BFSP1: variants seen among roughly 807,000 people sequenced by gnomAD.
BFSP1 encodes filensin.
In BFSP1, 38 loss-of-function variants were observed where a neutral mutation model predicts 43.9. The observed-to-expected ratio is 0.87, with a 90% CI of 0.67 to 1.14. The LOEUF (loss-of-function observed/expected upper bound fraction) is 1.14. Ranked by LOEUF, BFSP1 falls within the 50% of genes most tolerant of loss-of-function variation. BFSP1 has a pLI of 0.00. For synonymous variants in BFSP1, 352 were observed against 354.8 expected (o/e 0.99, Z 0.09); for missense variants, 850 against 875.1 (o/e 0.97, Z 0.36).
chr20:17,512,165 T>A, intron 3 of BFSP1, 97 bp from the exon 4 acceptor site: 1 of 923,354 alleles, frequency 1.1e-6, no homozygotes, highest in Non-Finnish European at 1.7e-6. Flanking sequence ...TTCCGCACGC[T>A]CCCTCATCAC....
At chr20:17,552,244 G>A (rs2034906765) in intron 1 of BFSP1, among the ~76,000 whole-genome samples, 1 of 152,148 alleles carries the variant, frequency 6.6e-6, no homozygotes, top group South Asian at 2.1e-4. Flanking sequence ...GAAGTGATGG[G>A]AAAGCCATTT....
chr20:17,562,888 G>A (rs892684460), upstream of BFSP1: 7 of 152,220 alleles, frequency 4.6e-5, no homozygotes, highest in African/African-American at 1.7e-4. Context: ...AGTAAGGAAT[G>A]TTCAGAATGT....
At chr20:17,519,854 C>T (rs1338861345) in intron 2 of BFSP1, among the ~76,000 whole-genome samples, 1 of 152,196 alleles carries the variant, frequency 6.6e-6, no homozygotes, top group Non-Finnish European at 1.5e-5. Context: ...GCTGCTGATA[C>T]GCTGAGGAAA....
chr20:17,518,986 G>C (rs753732717), intron 2 of BFSP1, among the ~76,000 whole-genome samples: 10 of 152,142 alleles, frequency 6.6e-5, no homozygotes, highest in Admixed American at 1.3e-4. Context: ...TCTCAGCCCC[G>C]GGGATGGGAC....
At chr20:17,502,424 G>A (rs1042670852) in intron 5 of BFSP1, among the ~76,000 whole-genome samples, 1 of 152,212 alleles carries the variant, frequency 6.6e-6, no homozygotes, top group Non-Finnish European at 1.5e-5. Flanking sequence ...AAGCATCACG[G>A]TCATGGAAGA....
At chr20:17,530,523 G>C (rs2034510932) in intron 1 of BFSP1, among the ~76,000 whole-genome samples, 1 of 152,234 alleles carries the variant, frequency 6.6e-6, no homozygotes, top group Non-Finnish European at 1.5e-5. Context: ...TCAATCTATG[G>C]TGATAGAAAT....
chr20:17,512,166 C>G, intron 3 of BFSP1, 98 bp from the exon 4 acceptor site: 2 of 910,332 alleles, frequency 2.2e-6, no homozygotes, highest in South Asian at 3.1e-5. Context: ...TCCGCACGCT[C>G]CCTCATCACA....
At chr20:17,526,138 TGGC>T (rs1288510432) in intron 1 of BFSP1, among the ~76,000 whole-genome samples, 2 of 568 alleles carry the variant, frequency 3.5e-3, no homozygotes, top group Non-Finnish European at 7.2e-3. Context: ...TTTTTCTGTA[TGGC>T]GGGGGGGGGG....
chr20:17,508,863 T>C (rs772128434), intron 5 of BFSP1, 26 bp downstream of exon 5: 23 of 1,525,678 alleles, frequency 1.5e-5, no homozygotes, highest in Middle Eastern at 1.8e-4. Flanking sequence ...GAAGCCCCAA[T>C]GCACACGCGG....
intron 1 of BFSP1, 107 bp downstream of exon 1, chr20:17,530,846 G>T (rs1600667131): frequency 2.5e-6 from 3 of 1,219,940 alleles, no homozygotes; most frequent in East Asian, 6.4e-5. Flanking sequence ...ATCGACAGGG[G>T]ACCAGAGACG....
chr20:17,552,897 T>C (rs974701291), intron 1 of BFSP1, among the ~76,000 whole-genome samples: 1 of 152,316 alleles, frequency 6.6e-6, no homozygotes, highest in Admixed American at 6.5e-5. Flanking sequence ...CAGTTGCATC[T>C]ACAAGTCAGA....
intron 5 of BFSP1, among the ~76,000 whole-genome samples, chr20:17,502,975 G>A (rs1423616362): frequency 2.0e-5 from 3 of 152,168 alleles, no homozygotes; most frequent in Non-Finnish European, 2.9e-5. Context: ...ACATAGAGGG[G>A]CCATGTGTTG....
In BFSP1 at chr20:17,507,769, C is replaced by T. The variant is rs1473046572; in HGVS notation, c.735+1120G>A. On this transcript the variant is annotated intron_variant, in intron 5 of 7. Coordinates refer to ENST00000377873, the MANE Select transcript of BFSP1 (RefSeq NM_001195.5). This position sits in a 1 kb window ranked among gnomAD's most constrained non-coding sequence, Gnocchi z 4.4. ...ATGGTCCCTGAGCCAGGGTTTGTCT[C>T]ACAAGAAGGAGGAGTTTTAAGTGCC... is the stretch of plus-strand genomic sequence containing the variant. Among the ~76,000 whole-genome samples, 6 of 152,174 alleles carry T rather than the reference C, an allele frequency of 3.9e-5. No homozygotes were observed. The highest frequency in any genetic ancestry group is 2.6e-4 in the Admixed American group (4 of 15,276).
At chr20:17,498,313 T>A (rs1285180697) in intron 6 of BFSP1, among the ~76,000 whole-genome samples, 1 of 152,198 alleles carries the variant, frequency 6.6e-6, no homozygotes, top group Non-Finnish European at 1.5e-5. Context: ...AGCTCCATTA[T>A]GGAGAAGACC....
upstream of BFSP1, among the ~76,000 whole-genome samples, chr20:17,533,104 C>T (rs898504484): frequency 1.2e-4 from 18 of 152,156 alleles, no homozygotes; most frequent in African/African-American, 4.3e-4. Flanking sequence ...TAATCCAGAA[C>T]TTTGGGAGGC....
upstream of BFSP1, chr20:17,560,309 C>A (rs770380211): frequency 1.3e-5 from 2 of 152,222 alleles, no homozygotes; most frequent in East Asian, 3.8e-4. Context: ...CTTCCATATT[C>A]ATATTTGCCA....
rs55674499 is a variant in BFSP1, at chr20:17,526,141, CGGGGGGGGGG to C, written c.378-1243_378-1234del. Among the ~76,000 whole-genome samples the C allele has an allele frequency of 2.0e-3, 38 of 18,866 alleles. 8 individuals carry two copies. The South Asian group carries it at 0.056, about 28-fold the overall frequency. 12.4% of individuals were successfully genotyped at this position (18,866 alleles called of 152,430 possible). A position where few individuals can be genotyped will look rare whatever the true frequency, so the allele number is the denominator to read the frequency against. ...ACTTTTTCTGTTTTTTTCTGTATGG[CGGGGGGGGGG>C]GGGGGGGGGCTGGTAAAATATGCAT... On this transcript the variant is annotated intron_variant, in intron 1 of 7. Transcript: ENST00000377873.
At chr20:17,528,390 ACCAG>A (rs1272258352) in intron 1 of BFSP1, among the ~76,000 whole-genome samples, 2 of 152,244 alleles carry the variant, frequency 1.3e-5, no homozygotes, top group African/African-American at 4.8e-5. Context: ...TGTCATGCTT[ACCAG>A]CCAAAGTACA....
Position 17,531,006 on chromosome 20 carries a change from C to A in BFSP1, c.324G>T (p.Arg108=). ...RVRDLEAERA[R]LERQGTEAQR... ...GCGCCTCGGTGCCCTGGCGCTCCAG[C>A]CGGGCGCGCTCGGCCTCCAGGTCCC... Residue 108 remains arginine, a synonymous_variant, in exon 1 of 8, where the codon CGG becomes CGT. Transcript: ENST00000377873. 2 of 1,436,170 alleles carry A rather than the reference C, an allele frequency of 1.4e-6. No homozygotes were observed. The highest frequency in any genetic ancestry group is 6.1e-5 in the East Asian group (2 of 32,764). 89.0% of individuals were successfully genotyped at this position (1,436,170 alleles called of 1,614,324 possible).
Sources: gnomAD v4.1 joint callset for allele counts (sites outside exome capture counted in the v4.1 genomes callset) on GRCh38, gnomAD v4.1.1 for gene constraint, Gnocchi (gnomAD v3.1) non-coding constraint, MANE v1.5 for transcripts, NCBI Gene and HGNC (gene_info 2026-07-23, HGNC 2026-07-21) for gene names.